The following MECOM variants were observed in gnomAD, a reference collection of about 807,000 sequenced individuals.
The protein encoded by MECOM is histone-lysine N-methyltransferase MECOM.
In MECOM, 13 loss-of-function variants were observed where a neutral mutation model predicts 116.3. The ratio of observed to expected loss-of-function variants is 0.11; its 90% confidence interval spans 0.07 to 0.18. The LOEUF (loss-of-function observed/expected upper bound fraction) is 0.18. Ranked by LOEUF, MECOM falls within the 10% of genes least tolerant of loss-of-function variation. The pLI, the probability that MECOM is intolerant of heterozygous loss-of-function variation, is 1.00. For synonymous variants in MECOM, 528 were observed against 535.2 expected, an observed-to-expected ratio of 0.99 and a Z score of 0.19; for missense variants, 1,299 against 1,509.0, an observed-to-expected ratio of 0.86 and a Z score of 2.31.
At chr3:169,170,193 A>G (rs1249004099) in intron 2 of MECOM, among the ~76,000 whole-genome samples, 6 of 151,988 alleles carry the variant, frequency 3.9e-5, no homozygotes, top group Non-Finnish European at 7.4e-5. Flanking sequence ...CGGGTGGATC[A>G]CGAGGTCAAG....
rs182839160 is a variant in MECOM, at chr3:169,490,377, A to G, written c.38-108853T>C. On this transcript the variant is annotated intron_variant, in intron 1 of 16. Coordinates refer to ENST00000651503, the MANE Select transcript of MECOM (RefSeq NM_004991.4). Reference sequence around the variant, plus strand: ...TGAAAAATTCTCACACAGGTGCACAAACAAACCCAAACGAGATGCTAGATA... The same window carrying G: ...TGAAAAATTCTCACACAGGTGCACAGACAAACCCAAACGAGATGCTAGATA... 2.0e-3 allele frequency among the ~76,000 whole-genome samples: 304 copies of G among 152,316 alleles called. 1 individual carries two copies. The highest frequency in any genetic ancestry group is 7.0e-3 in the African/African-American group (292 of 41,558).
intron 2 of MECOM, among the ~76,000 whole-genome samples, chr3:169,281,626 C>T (rs1712025802): frequency 6.6e-6 from 1 of 152,022 alleles, no homozygotes; most frequent in South Asian, 2.1e-4. Context: ...ACCTGGGCAA[C>T]ATGGCAAAAC....
chr3:169,569,300 C>T (rs1419690491), intron 1 of MECOM, among the ~76,000 whole-genome samples: 1 of 151,864 alleles, frequency 6.6e-6, no homozygotes, highest in Non-Finnish European at 1.5e-5. Context: ...CTAATATATG[C>T]ACCCAATACA....
At position 169,582,980 on chromosome 3, in the gene MECOM, A is replaced by G. The variant is rs540422073; in HGVS notation, c.37+80356T>C. 1.3e-3 allele frequency among the ~76,000 whole-genome samples: 203 copies of G among 152,398 alleles called. 1 individual carries two copies. Among genetic ancestry groups the G allele is most frequent in the African/African-American group, 4.6e-3 (191 of 41,600 alleles). On this transcript the variant is annotated intron_variant, in intron 1 of 16. Transcript: ENST00000651503. ...ATAAAAAGAAATACAAATGATTTACAGATATACACACATAGAACAAATGAA... is the reference window on the plus strand; with the variant it reads ...ATAAAAAGAAATACAAATGATTTACGGATATACACACATAGAACAAATGAA...
intron 2 of MECOM, among the ~76,000 whole-genome samples, chr3:169,357,582 G>A (rs1727480246): frequency 6.6e-6 from 1 of 151,674 alleles, no homozygotes; most frequent in African/African-American, 2.4e-5. Context: ...ATAATTTCAG[G>A]TATAGACAAA....
At chr3:169,634,268 A>G (rs550083463) in intron 1 of MECOM, among the ~76,000 whole-genome samples, 53 of 147,256 alleles carry the variant, frequency 3.6e-4, no homozygotes, top group Admixed American at 5.4e-4. Flanking sequence ...ACACACACAC[A>G]CCTCTTTGCT....
chr3:169,160,687 T>C (rs1032565936), intron 2 of MECOM, among the ~76,000 whole-genome samples: 21 of 151,538 alleles, frequency 1.4e-4, no homozygotes, highest in African/African-American at 4.8e-4. Flanking sequence ...ACTGAGTTGT[T>C]TGTAAAACAA....
At chr3:169,547,885 C>T (rs1760920055) in intron 1 of MECOM, among the ~76,000 whole-genome samples, 1 of 152,010 alleles carries the variant, frequency 6.6e-6, no homozygotes, top group African/African-American at 2.4e-5. Flanking sequence ...CCAGCAGCCA[C>T]CAAAAGCCAT....
intron 1 of MECOM, among the ~76,000 whole-genome samples, chr3:169,516,627 C>T (rs1209639405): frequency 5.9e-5 from 9 of 152,174 alleles, no homozygotes; most frequent in Admixed American, 5.9e-4. Flanking sequence ...ACCATGACCA[C>T]ATGTGACAGA....
At chr3:169,360,290 T>TTA (rs1466336806) in intron 2 of MECOM, among the ~76,000 whole-genome samples, 9 of 29,524 alleles carry the variant, frequency 3.0e-4, no homozygotes, top group Non-Finnish European at 4.8e-4. Context: ...TAAAGTATAA[T>TTA]AAAAAAAAAA....
At chr3:169,320,885 A>G (rs1482321406) in intron 2 of MECOM, among the ~76,000 whole-genome samples, 1 of 152,174 alleles carries the variant, frequency 6.6e-6, no homozygotes, top group Non-Finnish European at 1.5e-5. Context: ...CCCTTTTGTG[A>G]GCATATATTA....
intron 1 of MECOM, among the ~76,000 whole-genome samples, chr3:169,514,310 AG>A (rs1404784710): frequency 1.0e-4 from 13 of 128,970 alleles, no homozygotes; most frequent in African/African-American, 3.1e-4. Context: ...CAAAAAAAAA[AG>A]AGAGAGAGAG....
intron 3 of MECOM, among the ~76,000 whole-genome samples, chr3:169,136,783 A>C (rs1736497871): frequency 6.6e-6 from 1 of 152,098 alleles, no homozygotes; most frequent in Non-Finnish European, 1.5e-5. Flanking sequence ...CAAGGGGGAA[A>C]ATAAGAAAGA....
At chr3:169,146,622 G>A (rs1335025850) in intron 2 of MECOM, 2 of 1,368,906 alleles carry the variant, frequency 1.5e-6, no homozygotes, top group Non-Finnish European at 9.7e-7. Flanking sequence ...TGGGGGCGGG[G>A]GGCGCCCGTA....
At chr3:169,563,408 AC>A (rs1762879004) in intron 1 of MECOM, among the ~76,000 whole-genome samples, 1 of 152,170 alleles carries the variant, frequency 6.6e-6, no homozygotes, top group South Asian at 2.1e-4. Flanking sequence ...ATAATAGAAA[AC>A]TTTGATATTG....
In MECOM at chr3:169,635,037, A is replaced by G. The variant is rs1362767; in HGVS notation, c.37+28299T>C. 0.015 allele frequency among the ~76,000 whole-genome samples: 2,212 copies of G among 152,198 alleles called. 183 individuals are homozygous for G. In the East Asian group the frequency reaches 0.26, roughly 18 times the overall value. ...CAGTGTTCTGGGTGCTGCAGCAGAC[A>G]CTACAGAGGGCACAGAAGAGGCTCA... On this transcript the variant is annotated intron_variant, in intron 1 of 16. Coordinates refer to ENST00000651503, the MANE Select transcript of MECOM (RefSeq NM_004991.4).
At chr3:169,521,524 T>C (rs568685286) in intron 1 of MECOM, among the ~76,000 whole-genome samples, 2 of 152,312 alleles carry the variant, frequency 1.3e-5, no homozygotes, top group East Asian at 3.9e-4. Flanking sequence ...ACCCAAAATG[T>C]TCTCATCCAT....
At chr3:169,541,783 CT>C (rs35682709) in intron 1 of MECOM, among the ~76,000 whole-genome samples, 51,100 of 151,988 alleles carry the variant, frequency 0.34, 10,125 homozygotes, top group East Asian at 0.72. Flanking sequence ...CCTCTGTGCT[CT>C]TGACAGTAGC....
intron 2 of MECOM, among the ~76,000 whole-genome samples, chr3:169,246,148 T>A (rs917660527): frequency 3.3e-5 from 5 of 152,208 alleles, no homozygotes; most frequent in African/African-American, 1.2e-4. Context: ...AGAACTACTA[T>A]AATAATATTA....
Sources: gnomAD v4.1 joint callset for allele counts (sites outside exome capture counted in the v4.1 genomes callset) on GRCh38, gnomAD v4.1.1 for gene constraint, MANE v1.5 for transcripts, NCBI Gene and HGNC (gene_info 2026-07-23, HGNC 2026-07-21) for gene names.